Variants in MAF observed in about 807,000 individuals in gnomAD.
The protein encoded by MAF is MAF bZIP transcription factor, also known as transcription factor Maf.
In MAF, 10 loss-of-function variants were observed where a neutral mutation model predicts 22.0. That is an observed-to-expected ratio of 0.45 (90% confidence interval 0.28 to 0.77). The LOEUF is 0.77. MAF is among the 30% of genes least tolerant of loss of function. The pLI is 0.12. For synonymous variants in MAF, 337 were observed against 255.8 expected (o/e 1.32, Z -3.03); for missense variants, 544 against 548.4 (o/e 0.99, Z 0.08).
At chr16:79,345,757 C>A in the MAF span, among the ~76,000 whole-genome samples, 12,108 of 116,780 alleles carry the variant, frequency 0.1, 732 homozygotes, top group Non-Finnish European at 0.14. Context: ...AAAAAAAAAT[C>A]TTTAACTTGC....
chr16:79,419,394 C>A, the MAF span, among the ~76,000 whole-genome samples: 3 of 152,190 alleles, frequency 2.0e-5, no homozygotes, highest in Admixed American at 2.0e-4. Flanking sequence ...AAACAGGACA[C>A]AAGAGGAAGT....
chr16:79,423,453 T>C, the MAF span, among the ~76,000 whole-genome samples: 1 of 152,166 alleles, frequency 6.6e-6, no homozygotes, highest in Non-Finnish European at 1.5e-5. Flanking sequence ...CGATGACTTG[T>C]GTGTTCCATC....
chr16:79,374,539 C>G, the MAF span, among the ~76,000 whole-genome samples: 2 of 152,108 alleles, frequency 1.3e-5, no homozygotes, highest in Non-Finnish European at 2.9e-5. Flanking sequence ...CCAGTGACAC[C>G]TGGTAATATT....
At chr16:79,276,466 C>T in the MAF span, among the ~76,000 whole-genome samples, 1 of 152,056 alleles carries the variant, frequency 6.6e-6, no homozygotes, top group African/African-American at 2.4e-5. Flanking sequence ...CTCCATTACA[C>T]AAGCTGGAAG....
chr16:79,254,456 T>C, the MAF span, among the ~76,000 whole-genome samples: 1 of 152,250 alleles, frequency 6.6e-6, no homozygotes, highest in African/African-American at 2.4e-5. Context: ...TTTTTACCAT[T>C]ATCAATAATA....
the MAF span, among the ~76,000 whole-genome samples, chr16:79,250,210 G>T: frequency 2.0e-5 from 3 of 152,206 alleles, no homozygotes; most frequent in African/African-American, 7.2e-5. Context: ...TTGTGTTCTG[G>T]CTCTTGTGCA....
the MAF span, among the ~76,000 whole-genome samples, chr16:79,556,360 G>T: frequency 2.6e-5 from 4 of 152,252 alleles, 1 homozygote; most frequent in Admixed American, 6.5e-5. Flanking sequence ...CCCTCCTCAA[G>T]GCATACCCTG....
chr16:79,383,260 T>C, the MAF span, among the ~76,000 whole-genome samples: 1 of 152,096 alleles, frequency 6.6e-6, no homozygotes, highest in African/African-American at 2.4e-5. Flanking sequence ...AAAGAAACAA[T>C]CTAACCATTT....
chr16:79,260,469 A>ATATCTATATC, the MAF span, among the ~76,000 whole-genome samples: 14 of 148,252 alleles, frequency 9.4e-5, no homozygotes, highest in African/African-American at 3.1e-4. Context: ...CTATCTATCT[A>ATATCTATATC]TATCTATATC....
chr16:79,386,790 A>G, the MAF span, among the ~76,000 whole-genome samples: 1 of 152,158 alleles, frequency 6.6e-6, no homozygotes, highest in Non-Finnish European at 1.5e-5. Context: ...GACAAGCCAC[A>G]AGCCATCCTT....
chr16:79,579,862 A>C, the MAF span, among the ~76,000 whole-genome samples: 5 of 152,308 alleles, frequency 3.3e-5, 1 homozygote, highest in East Asian at 9.6e-4. Flanking sequence ...GGAATATCTG[A>C]ATGGCACTGT....
At chr16:79,523,441 T>C in the MAF span, among the ~76,000 whole-genome samples, 1 of 152,242 alleles carries the variant, frequency 6.6e-6, no homozygotes. Context: ...GTTACTTATT[T>C]CTATTTTCAT....
At chr16:79,307,377 C>T in the MAF span, among the ~76,000 whole-genome samples, 1 of 152,224 alleles carries the variant, frequency 6.6e-6, no homozygotes, top group Non-Finnish European at 1.5e-5. Context: ...GGAGGCACAG[C>T]CCGGGTCCCT....
At chr16:79,364,538 A>T in the MAF span, among the ~76,000 whole-genome samples, 1 of 152,204 alleles carries the variant, frequency 6.6e-6, no homozygotes, top group Non-Finnish European at 1.5e-5. Context: ...TCCACTGGGG[A>T]CAGGAAGTCA....
chr16:79,527,661 C>A, the MAF span, among the ~76,000 whole-genome samples: 1 of 152,100 alleles, frequency 6.6e-6, no homozygotes, highest in Non-Finnish European at 1.5e-5. Flanking sequence ...CATCACCTTA[C>A]AATCATAAAA....
At chr16:79,220,660 T>G in the MAF span, among the ~76,000 whole-genome samples, 2 of 152,126 alleles carry the variant, frequency 1.3e-5, no homozygotes, top group Non-Finnish European at 2.9e-5. Context: ...TGTGTAAGAT[T>G]TGGGGGAACT....
At chr16:79,457,500 T>G in the MAF span, among the ~76,000 whole-genome samples, 2 of 151,890 alleles carry the variant, frequency 1.3e-5, no homozygotes, top group Admixed American at 6.6e-5. Flanking sequence ...AATGTCAGTA[T>G]TTTTTCATTC....
chr16:79,453,895 C>G, the MAF span, among the ~76,000 whole-genome samples: 1 of 152,118 alleles, frequency 6.6e-6, no homozygotes. Flanking sequence ...ATTAAACACA[C>G]TGAATCCAGA....
At chr16:79,403,445 C>G in the MAF span, among the ~76,000 whole-genome samples, 1 of 152,182 alleles carries the variant, frequency 6.6e-6, no homozygotes, top group Non-Finnish European at 1.5e-5. Context: ...CAGGATTGCT[C>G]CAGTATCCAG....
Sources: gnomAD v4.1 joint callset for allele counts (sites outside exome capture counted in the v4.1 genomes callset) on GRCh38, gnomAD v4.1.1 for gene constraint, MANE v1.5 for transcripts, NCBI Gene and HGNC (gene_info 2026-07-23, HGNC 2026-07-21) for gene names.